TSSC4: variants seen among roughly 807,000 people sequenced by gnomAD.
TSSC4 encodes U5 small nuclear ribonucleoprotein TSSC4.
For synonymous variants in TSSC4, 259 were observed against 197.9 expected (o/e 1.31, Z -2.59); for missense variants, 500 against 443.9 (o/e 1.13, Z -1.14).
rs1295151773 is a variant in TSSC4, at chr11:2,403,691, AG to A, written c.*73del. The A allele has an allele frequency of 7.0e-7, 1 of 1,419,886 alleles. No homozygotes were observed. Among genetic ancestry groups the A allele is most frequent in the Non-Finnish European group, 9.3e-7 (1 of 1,079,370 alleles). The allele number at this position is 1,419,886 out of a possible 1,614,324, so 88.0% of individuals were successfully genotyped here. Reference sequence around the variant, plus strand: ...TGCTGCCTTCCCAGTGGGGCTGGTCAGGGGGCAGCCTGGCCACTGCCTAGCT... The same window carrying A: ...TGCTGCCTTCCCAGTGGGGCTGGTCAGGGGCAGCCTGGCCACTGCCTAGCT... On this transcript the variant is annotated 3_prime_UTR_variant, in exon 3 of 3. Transcript: ENST00000333256.
At chr11:2,401,923 A>C (rs1371908282) in intron 1 of TSSC4, 1 of 152,024 alleles carries the variant, frequency 6.6e-6, no homozygotes. Flanking sequence ...ATTCCTTGGG[A>C]GCTCCCGGGG....
At position 2,403,635 on chromosome 11, in the gene TSSC4, C is replaced by T. The variant is rs767170902; in HGVS notation, c.*12C>T. 6.7e-7 allele frequency: 1 copy of T among 1,491,288 alleles called. No individual in the cohort carries two copies. Among genetic ancestry groups the T allele is most frequent in the South Asian group, 1.4e-5 (1 of 72,164 alleles). The allele number at this position is 1,491,288 out of a possible 1,614,324, so 92.4% of individuals were successfully genotyped here. On this transcript the variant is annotated 3_prime_UTR_variant, in exon 3 of 3. Coordinates refer to ENST00000333256, the MANE Select transcript of TSSC4 (RefSeq NM_005706.4). ...GTGCTGAGGTCTGAGAGGGAGATGG[C>T]CCAGCCTGACCCCACTGGCCACTGC...
In TSSC4 at chr11:2,403,492, T is replaced by A; in HGVS notation, c.859T>A (p.Ser287Thr). 6.2e-7 allele frequency: 1 copy of A among 1,602,424 alleles called. No individual in the cohort carries two copies. The highest frequency in any genetic ancestry group is 1.1e-5 in the South Asian group (1 of 89,816). The change falls in exon 3 of 3, where the codon TCT (serine) becomes ACT (threonine). Residue 287 changes from serine to threonine, a missense_variant. By Grantham distance (58) the Ser-to-Thr change is moderately conservative. Transcript: ENST00000333256. Reference protein sequence around the residue: ...GLQEVEALSGSVHSGSVPGLP... With the variant: ...GLQEVEALSGTVHSGSVPGLP... ...GCAGGAGGTGGAGGCACTGTCAGGGTCTGTCCACAGTGGGTCTGTGCCAGG... is the reference window on the plus strand; with the variant it reads ...GCAGGAGGTGGAGGCACTGTCAGGGACTGTCCACAGTGGGTCTGTGCCAGG...
rs139662322 is a variant in TSSC4, at chr11:2,402,836, C to T, written c.203C>T (p.Pro68Leu). 6 of 1,601,528 alleles carry T rather than the reference C, an allele frequency of 3.7e-6. No homozygotes were observed. The South Asian group carries it at 5.6e-5, about 15-fold the overall frequency. ...TCAGGTCCTGATGAGCCGCCCTCAC[C>T]CCCGTCAGGCCTCCTCCCAGCCACG... The part of the protein sequence containing the change: ...EDSGPDEPPS[P>L]PSGLLPATVQ... The change falls in exon 3 of 3, where the codon CCC becomes CTC. Residue 68 changes from proline (P) to leucine (L), a missense_variant. Pro to Leu is a moderately conservative substitution (Grantham distance 98). Transcript: ENST00000333256.
At position 2,403,485 on chromosome 11, in the gene TSSC4, G is replaced by C. The variant is rs377219189; in HGVS notation, c.852G>C (p.Leu284=). ...GAGGCCTGCAGGAGGTGGAGGCACT[G>C]TCAGGGTCTGTCCACAGTGGGTCTG... The part of the protein sequence containing the change: ...HHGGLQEVEA[L]SGSVHSGSVP... Residue 284 remains leucine (L), a synonymous_variant, in exon 3 of 3, where the codon CTG becomes CTC. Coordinates refer to ENST00000333256, the MANE Select transcript of TSSC4 (RefSeq NM_005706.4). 355 of 1,601,240 alleles carry C rather than the reference G, an allele frequency of 2.2e-4. No individual in the cohort carries two copies. The highest frequency in any genetic ancestry group is 2.6e-4 in the Non-Finnish European group (300 of 1,173,424).
rs763999896 is a variant in TSSC4 at position 2,402,874 on chromosome 11, C to T, written c.241C>T (p.His81Tyr). ...CCTCCCAGCCACGGTGCAGCCATTC[C>T]ATCTGAGAGGCATGAGCTCCACCTT... is the stretch of plus-strand genomic sequence containing the variant. Reference protein sequence around the residue: ...GLLPATVQPFHLRGMSSTFSQ... With the variant: ...GLLPATVQPFYLRGMSSTFSQ... Residue 81 changes from histidine to tyrosine, a missense_variant, in exon 3 of 3, where the codon CAT becomes TAT. By Grantham distance (83) the His-to-Tyr change is moderately conservative. Coordinates refer to ENST00000333256, the MANE Select transcript of TSSC4 (RefSeq NM_005706.4). 1 of 1,611,798 alleles carries T rather than the reference C, an allele frequency of 6.2e-7. No homozygotes were observed. The highest frequency in any genetic ancestry group is 1.3e-5 in the African/African-American group (1 of 74,912).
chr11:2,402,539 G>C lies in TSSC4; in HGVS notation c.-23-72G>C, dbSNP rs1238044018. ...ACCCTCCACTTGTCCAGGGGCAGTG[G>C]ATCTGCAGGGGGAACTCATTCTCAA... is the stretch of plus-strand genomic sequence containing the variant. On this transcript the variant is annotated intron_variant, in intron 2 of 2. Transcript: ENST00000333256. 5 of 1,343,650 alleles carry C rather than the reference G, an allele frequency of 3.7e-6. No homozygotes were observed. The African/African-American group carries it at 7.2e-5, about 19-fold the overall frequency. The allele number at this position is 1,343,650 out of a possible 1,614,324, so 83.2% of individuals were successfully genotyped here. A position where few individuals can be genotyped will look rare whatever the true frequency, so the allele number is the denominator to read the frequency against.
At chr11:2,402,225 C>T (rs904232251) in intron 1 of TSSC4, 69 bp from the exon 2 acceptor site, 4 of 182,056 alleles carry the variant, frequency 2.2e-5, no homozygotes, top group South Asian at 1.3e-4. Context: ...CGGTCCTGCC[C>T]GGCACCTGTT....
rs1028163686 is a variant in TSSC4 at position 2,402,278 on chromosome 11, C to T, written c.-180-16C>T. 1.4e-4 allele frequency: 39 copies of T among 279,178 alleles called. No individual in the cohort carries two copies. The highest frequency in any genetic ancestry group is 7.9e-4 in the African/African-American group (36 of 45,600). 17.3% of individuals were successfully genotyped at this position (279,178 alleles called of 1,614,324 possible). A position where few individuals can be genotyped will look rare whatever the true frequency, so the allele number is the denominator to read the frequency against. ...GGTCTGAGGTTGGTCCTCTCCCCCA[C>T]CCCACCCACCTGCAGTTGAGCAGCT... On this transcript the variant is annotated splice_polypyrimidine_tract_variant and intron_variant, in intron 1 of 2. Transcript: ENST00000333256.
chr11:2,402,521 A>T, intron 2 of TSSC4, 71 bp downstream of exon 2: 1 of 1,213,900 alleles, frequency 8.2e-7, no homozygotes, highest in Non-Finnish European at 1.1e-6. Context: ...TTGACCCTCC[A>T]CTTGTCCAGG....
At position 2,403,423 on chromosome 11, in the gene TSSC4, G is replaced by A. The variant is rs372313197; in HGVS notation, c.790G>A (p.Gly264Arg). ...GGAGCTGGCCCATCTGGCCGGGCCC[G>A]GGAGCCCAGAGGCTGAGGAGTGGGG... Reference protein sequence around the residue: ...PVELAHLAGPGSPEAEEWGSH... With the variant: ...PVELAHLAGPRSPEAEEWGSH... The change falls in exon 3 of 3, where the codon GGG becomes AGG. Residue 264 changes from glycine to arginine, a missense_variant. Coordinates refer to ENST00000333256, the MANE Select transcript of TSSC4 (RefSeq NM_005706.4). The A allele has an allele frequency of 2.8e-5, 44 of 1,592,474 alleles. No individual in the cohort carries two copies. The highest frequency in any genetic ancestry group is 1.2e-4 in the South Asian group (11 of 88,598).
In TSSC4 at chr11:2,403,090, C is replaced by A. The variant is rs759468894; in HGVS notation, c.457C>A (p.Pro153Thr). Residue 153 changes from proline (P) to threonine (T), a missense_variant, in exon 3 of 3, where the codon CCC (proline) becomes ACC (threonine). Transcript: ENST00000333256. ...SPASPRVPPVPDYVAHPERWT... is the reference protein window; with the variant it reads ...SPASPRVPPVTDYVAHPERWT... ...TGCCTCACCAAGGGTGCCTCCGGTC[C>A]CCGACTACGTGGCACACCCCGAGCG... 6 of 1,611,938 alleles carry A rather than the reference C, an allele frequency of 3.7e-6. No homozygotes were observed. Among genetic ancestry groups the A allele is most frequent in the Non-Finnish European group, 5.1e-6 (6 of 1,179,690 alleles).
chr11:2,401,087 GTTCA>G (rs1850131556), intron 1 of TSSC4: 1 of 152,184 alleles, frequency 6.6e-6, no homozygotes. Context: ...CGGGCTCTGC[GTTCA>G]TGTGGAGAAA....
chr11:2,402,795 G>A lies in TSSC4; in HGVS notation c.162G>A (p.Leu54=). 2.5e-6 allele frequency: 4 copies of A among 1,577,530 alleles called. No homozygotes were observed. The highest frequency in any genetic ancestry group is 1.2e-5 in the South Asian group (1 of 86,770). ...TGGAAGCACTGTCCCCGATGGGGCT[G>A]CCTGGGGAGGAGGATTCAGGTCCTG... is the stretch of plus-strand genomic sequence containing the variant. ...AEVEALSPMG[L]PGEEDSGPDE... Residue 54 remains leucine (L), a synonymous_variant, in exon 3 of 3, where the codon CTG becomes CTA. Transcript: ENST00000333256.
At position 2,402,675 on chromosome 11, in the gene TSSC4, G is replaced by A. The variant is rs1466830950; in HGVS notation, c.42G>A (p.Glu14=). The change falls in exon 3 of 3, where the codon GAG becomes GAA. Residue 14 remains glutamate, a synonymous_variant. Transcript: ENST00000333256. ...AGTGEPSPSV[E]GEHGTEYDTL... is the part of the protein sequence containing the mutation. ...CAGGTGAGCCGTCCCCCAGCGTGGA[G>A]GGCGAACACGGGACGGAGTATGACA... 2 of 1,591,228 alleles carry A rather than the reference G, an allele frequency of 1.3e-6. 1 individual carries two copies.
chr11:2,402,860 C>T lies in TSSC4; in HGVS notation c.227C>T (p.Thr76Met), dbSNP rs148256948. The T allele has an allele frequency of 8.4e-4, 1,355 of 1,610,120 alleles. 1 individual carries two copies. The highest frequency in any genetic ancestry group is 1.1e-3 in the Non-Finnish European group (1,242 of 1,178,698). ...PSPPSGLLPA[T>M]VQPFHLRGMS... ...CCCCCGTCAGGCCTCCTCCCAGCCA[C>T]GGTGCAGCCATTCCATCTGAGAGGC... Residue 76 changes from threonine to methionine, a missense_variant, in exon 3 of 3, where the codon ACG (threonine) becomes ATG (methionine). Thr to Met is a moderately conservative substitution (Grantham distance 81). Transcript: ENST00000333256.
chr11:2,401,336 C>T (rs1285671604), intron 1 of TSSC4: 1 of 152,286 alleles, frequency 6.6e-6, no homozygotes, highest in Non-Finnish European at 1.5e-5. Flanking sequence ...ACTCCAGCTT[C>T]GTCTGCAACA....
At position 2,402,452 on chromosome 11, in the gene TSSC4, T is replaced by TGA. The variant is rs1269765169; in HGVS notation, c.-24+6_-24+7dup. Reference sequence around the variant, plus strand: ...ACTGGCACCCAGCAGCCAAGAGAGGTGAGAGGAGGGCTTGGAGGGGGAGGC... The same window carrying TGA: ...ACTGGCACCCAGCAGCCAAGAGAGGTGAGAGAGGAGGGCTTGGAGGGGGAGGC... On this transcript the variant is annotated splice_region_variant and intron_variant, in intron 2 of 2. Transcript: ENST00000333256. 9.3e-6 allele frequency: 6 copies of TGA among 646,728 alleles called. No homozygotes were observed. In the South Asian group the frequency reaches 1.2e-4, roughly 13 times the overall value. The allele number at this position is 646,728 out of a possible 1,614,324, so 40.1% of individuals were successfully genotyped here.
chr11:2,403,182 G>C lies in TSSC4; in HGVS notation c.549G>C (p.Leu183=), dbSNP rs753119321. 5 of 1,612,356 alleles carry C rather than the reference G, an allele frequency of 3.1e-6. No individual in the cohort carries two copies. Among genetic ancestry groups the C allele is most frequent in the African/African-American group, 1.3e-5 (1 of 74,934 alleles). ...AGCAGAGCAATCAGGCCACCGCCCT[G>C]GCCTTCCTGGGCTCCCAGAGCCTGG... ...VSEQSNQATA[L]AFLGSQSLAA... Residue 183 remains leucine, a synonymous_variant, in exon 3 of 3, where the codon CTG becomes CTC. Transcript: ENST00000333256.
Sources: gnomAD v4.1 joint callset for allele counts on GRCh38, gnomAD v4.1.1 for gene constraint, MANE v1.5 for transcripts, NCBI Gene and HGNC (gene_info 2026-07-23, HGNC 2026-07-21) for gene names.